VSTM4: variants seen among roughly 807,000 people sequenced by gnomAD.
The protein encoded by VSTM4 is V-set and transmembrane domain containing 4, also known as V-set and transmembrane domain-containing protein 4.
Under a neutral mutation model 36.4 loss-of-function variants are expected in VSTM4, and 20 were observed. That is an observed-to-expected ratio of 0.55 (90% CI 0.39 to 0.80). VSTM4 has a LOEUF of 0.80. VSTM4 is among the 30% of genes least tolerant of loss of function. The probability of loss-of-function intolerance (pLI) is 0.00; values close to 1 mark genes in which losing one functional copy is unlikely to be tolerated. For missense variants in VSTM4, 392 were observed against 404.5 expected, an observed-to-expected ratio of 0.97 and a Z score of 0.26; for synonymous variants, 182 against 173.9, an observed-to-expected ratio of 1.05 and a Z score of -0.37.
chr10:49,041,006 A>C (rs908238604), intron 7 of VSTM4, among the ~76,000 whole-genome samples: 2 of 152,170 alleles, frequency 1.3e-5, no homozygotes, highest in Non-Finnish European at 1.5e-5. Context: ...CCAAAATAAG[A>C]TGTCTCCAAA....
intron 7 of VSTM4, among the ~76,000 whole-genome samples, chr10:49,022,731 C>G (rs1234656076): frequency 6.6e-6 from 1 of 152,094 alleles, no homozygotes; most frequent in Non-Finnish European, 1.5e-5. Context: ...TGCCATGTGT[C>G]CTCAAATAAG....
chr10:49,082,247 A>G (rs1046706712), intron 3 of VSTM4, among the ~76,000 whole-genome samples: 18 of 152,368 alleles, frequency 1.2e-4, no homozygotes, highest in African/African-American at 4.3e-4. Flanking sequence ...ATGTTGGCTC[A>G]AAAGTTTTAA....
intron 7 of VSTM4, among the ~76,000 whole-genome samples, chr10:49,028,003 A>G (rs1196786563): frequency 1.3e-5 from 2 of 152,192 alleles, no homozygotes; most frequent in African/African-American, 4.8e-5. Context: ...GAAACTGCCT[A>G]TTTGTCCAGG....
rs1844980003 is a variant in VSTM4, at chr10:49,115,470, G to A, written c.16C>T (p.Leu6=). Residue 6 remains leucine, a synonymous_variant, in exon 1 of 8, where the codon CTG becomes TTG. Transcript: ENST00000332853. ...CGCGCCAGCAGCGCGGCCGCCGCCA[G>A]TGCCAGCAGCCGCATCTCCCCGCCG... MRLLA[L]AAAALLARAP... The A allele has an allele frequency of 1.9e-6, 2 of 1,034,592 alleles. No individual in the cohort carries two copies. The allele number at this position is 1,034,592 out of a possible 1,614,324, so 64.1% of individuals were successfully genotyped here. A position where few individuals can be genotyped will look rare whatever the true frequency, so the allele number is the denominator to read the frequency against.
chr10:49,055,661 C>T (rs1009834797), intron 5 of VSTM4, among the ~76,000 whole-genome samples: 2 of 152,224 alleles, frequency 1.3e-5, no homozygotes, highest in Non-Finnish European at 2.9e-5. Context: ...CTTTCCCTGC[C>T]ACTGAAACAC....
chr10:49,077,295 G>A lies in VSTM4; in HGVS notation c.558C>T (p.Cys186=), dbSNP rs748490457. The change falls in exon 4 of 8, where the codon TGC becomes TGT. Residue 186 remains cysteine, a synonymous_variant. Coordinates refer to ENST00000332853, the MANE Select transcript of VSTM4 (RefSeq NM_001031746.5). ...AGAGCAGAATGCTGAGGATCCCCAC[G>A]CAGCACACGAGGACAGCATACACAT... The part of the protein sequence containing the change: ...DLYVYAVLVC[C]VGILSILLFM... 1.9e-5 allele frequency: 31 copies of A among 1,614,058 alleles called. No homozygotes were observed. Among genetic ancestry groups the A allele is most frequent in the East Asian group, 1.6e-4 (7 of 44,906 alleles).
intron 3 of VSTM4, among the ~76,000 whole-genome samples, chr10:49,077,814 C>T (rs1265529679): frequency 6.6e-6 from 1 of 152,110 alleles, no homozygotes; most frequent in African/African-American, 2.4e-5. Context: ...ACATACTATA[C>T]TTGACTTTAC....
At chr10:49,097,179 A>G (rs1480377369) in intron 2 of VSTM4, among the ~76,000 whole-genome samples, 1 of 152,200 alleles carries the variant, frequency 6.6e-6, no homozygotes, top group Non-Finnish European at 1.5e-5. Flanking sequence ...GCTGGGGCCC[A>G]TCTTTCACCA....
rs138454994 is a variant in VSTM4 at position 49,107,752 on chromosome 10, C to A, written c.299G>T (p.Arg100Leu). Residue 100 changes from arginine to leucine, a missense_variant, in exon 2 of 8, where the codon CGC becomes CTC. Physicochemically the swap from Arg to Leu is moderately radical, Grantham distance 102. Transcript: ENST00000332853. Reference protein sequence around the residue: ...FSRSAKRRRLRLLEEQRGALY... With the variant: ...FSRSAKRRRLLLLEEQRGALY... ...CGCCCCCCGCTGCTCCTCCAGCAGG[C>A]GCAGCCTCCGCCGTTTGGCGCTGCG... 4.8e-5 allele frequency: 78 copies of A among 1,614,126 alleles called. No individual in the cohort carries two copies. Among genetic ancestry groups the A allele is most frequent in the Non-Finnish European group, 6.4e-5 (76 of 1,180,060 alleles).
chr10:49,073,143 G>A (rs527240963), intron 4 of VSTM4, among the ~76,000 whole-genome samples: 1 of 152,234 alleles, frequency 6.6e-6, no homozygotes, highest in South Asian at 2.1e-4. Context: ...AAAAAGTTAG[G>A]AACAGTCCAG....
At chr10:49,057,453 C>T (rs919144160) in intron 5 of VSTM4, among the ~76,000 whole-genome samples, 1 of 152,222 alleles carries the variant, frequency 6.6e-6, no homozygotes, top group Non-Finnish European at 1.5e-5. Flanking sequence ...TCTGTGCCTG[C>T]TGTGGAGGAT....
intron 5 of VSTM4, among the ~76,000 whole-genome samples, chr10:49,058,530 C>T (rs1201699760): frequency 6.6e-6 from 1 of 152,184 alleles, no homozygotes; most frequent in Non-Finnish European, 1.5e-5. Flanking sequence ...CTGCTCTCTG[C>T]TCTGCATCCT....
chr10:49,022,120 TA>T (rs869292033), intron 7 of VSTM4, among the ~76,000 whole-genome samples: 42 of 129,978 alleles, frequency 3.2e-4, no homozygotes, highest in African/African-American at 9.7e-4. Flanking sequence ...TTAATGCATT[TA>T]TTTTTTTTTA....
chr10:49,109,760 G>A (rs909657791), intron 1 of VSTM4, among the ~76,000 whole-genome samples: 8 of 152,166 alleles, frequency 5.3e-5, no homozygotes, highest in African/African-American at 1.9e-4. Context: ...GATACTTAGG[G>A]CTGCAGACTA....
chr10:49,054,637 A>T (rs908457833), intron 5 of VSTM4, among the ~76,000 whole-genome samples: 1 of 152,246 alleles, frequency 6.6e-6, no homozygotes, highest in African/African-American at 2.4e-5. Context: ...GGAGCAGTTT[A>T]TGCAGGAGGA....
chr10:49,107,916 G>C lies in VSTM4; in HGVS notation c.135C>G (p.Leu45=), dbSNP rs1007484431. The C allele has an allele frequency of 9.3e-6, 15 of 1,613,688 alleles. No homozygotes were observed. The highest frequency in any genetic ancestry group is 1.3e-5 in the Non-Finnish European group (15 of 1,179,862). Residue 45 remains leucine (L), a synonymous_variant, in exon 2 of 8, where the codon CTC becomes CTG. Transcript: ENST00000332853. ...TCCGCCTTTTCTGGGAGACGTGGCA[G>C]AGGAGAGTGGCATTCTCCCCCTCCA... ...DYLEGENATL[L]CHVSQKRRKD... is the part of the protein sequence containing the mutation.
At chr10:49,096,729 A>G (rs1025032032) in intron 2 of VSTM4, among the ~76,000 whole-genome samples, 1 of 150,308 alleles carries the variant, frequency 6.7e-6, no homozygotes, top group Admixed American at 6.7e-5. Context: ...ATCTCGGCTC[A>G]CTGCAACTTC....
intron 2 of VSTM4, among the ~76,000 whole-genome samples, chr10:49,092,798 C>T (rs1197368437): frequency 6.6e-6 from 1 of 152,180 alleles, no homozygotes; most frequent in African/African-American, 2.4e-5. Flanking sequence ...AGGAGCACGT[C>T]ACCGGAAGAA....
intron 2 of VSTM4, among the ~76,000 whole-genome samples, chr10:49,087,347 C>T (rs76380130): frequency 0.011 from 1,730 of 152,266 alleles, 22 homozygotes; most frequent in African/African-American, 0.039. Context: ...TTCATATTTG[C>T]ACTTCCCATA....
Sources: allele counts gnomAD v4.1 joint callset (sites outside exome capture counted in the v4.1 genomes callset), GRCh38; gene constraint gnomAD v4.1.1; transcripts MANE v1.5; gene names NCBI Gene and HGNC (gene_info 2026-07-23, HGNC 2026-07-21).